Variants in FKBP9 observed in about 807,000 individuals in gnomAD.
The protein encoded by FKBP9 is FKBP prolyl isomerase 9.
FKBP9 carries 27 observed loss-of-function variants against 55.6 expected under a neutral mutation model. The observed-to-expected ratio is 0.49, with a 90% CI of 0.36 to 0.67. FKBP9 has a LOEUF of 0.67. FKBP9 is among the 30% of genes least tolerant of loss of function. The probability of loss-of-function intolerance (pLI) is 0.00; values close to 1 mark genes in which losing one functional copy is unlikely to be tolerated. For synonymous variants in FKBP9, 267 were observed against 296.5 expected (o/e 0.90, Z 1.02); for missense variants, 539 against 742.8 (o/e 0.73, Z 3.19).
At chr7:32,965,832 T>TGTGTGTACAC (rs1385564231) in intron 1 of FKBP9, among the ~76,000 whole-genome samples, 8 of 43,492 alleles carry the variant, frequency 1.8e-4, no homozygotes, top group African/African-American at 5.4e-4. Flanking sequence ...TATATATATA[T>TGTGTGTACAC]ATATATATAT....
At chr7:32,963,651 T>C in intron 1 of FKBP9, 4 of 1,464,864 alleles carry the variant, frequency 2.7e-6, no homozygotes, top group South Asian at 1.3e-5. Context: ...GGAGTGGGAA[T>C]TTATTGGAAG....
At chr7:32,996,589 A>G (rs1183529654) in intron 7 of FKBP9, among the ~76,000 whole-genome samples, 1 of 146,304 alleles carries the variant, frequency 6.8e-6, no homozygotes, top group East Asian at 2.0e-4. Context: ...AGCAGATCTC[A>G]TCGTATAACT....
In FKBP9 at chr7:32,997,083, C is replaced by T. The variant is rs1022918686; in HGVS notation, c.1226+734C>T. On this transcript the variant is annotated intron_variant, in intron 7 of 9. Transcript: ENST00000242209. Reference sequence around the variant, plus strand: ...TGCTGGGATTACAGGCGTGAGCCTCCGCGCCCGGCCAAGTCTCACTCTTTC... The same window carrying T: ...TGCTGGGATTACAGGCGTGAGCCTCTGCGCCCGGCCAAGTCTCACTCTTTC... Among the ~76,000 whole-genome samples the T allele has an allele frequency of 1.8e-4, 28 of 151,868 alleles. No homozygotes were observed. In the South Asian group the frequency reaches 2.7e-3, roughly 15 times the overall value.
At position 33,005,199 on chromosome 7, in the gene FKBP9, G is replaced by A. The variant is rs758043302; in HGVS notation, c.1561G>A (p.Val521Met). The part of the protein sequence containing the change: ...EEFSEYIHAQ[V>M]ASGKGKLAPG... ...GTTCTCAGAGTACATTCACGCCCAG[G>A]TGGCATCTGGCAAAGGGAAACTCGC... is the stretch of plus-strand genomic sequence containing the variant. The change falls in exon 10 of 10, where the codon GTG (valine) becomes ATG (methionine). Residue 521 changes from valine (V) to methionine (M), a missense_variant. Val to Met is a conservative substitution (Grantham distance 21, BLOSUM62 1). This residue lies in a region of FKBP9 where 102 missense variants were observed against 200.7 expected (regional missense o/e 0.51). Transcript: ENST00000242209. 6.2e-7 allele frequency: 1 copy of A among 1,613,992 alleles called. No individual in the cohort carries two copies. Among genetic ancestry groups the A allele is most frequent in the Admixed American group, 1.7e-5 (1 of 60,018 alleles).
intron 1 of FKBP9, among the ~76,000 whole-genome samples, chr7:32,962,497 A>G (rs1464570844): frequency 6.6e-6 from 1 of 152,088 alleles, no homozygotes; most frequent in African/African-American, 2.4e-5. Context: ...TTTTTGAGAC[A>G]GCGTCTCACT....
At chr7:32,994,276 A>G (rs895336281) in intron 6 of FKBP9, among the ~76,000 whole-genome samples, 18 of 152,284 alleles carry the variant, frequency 1.2e-4, no homozygotes, top group South Asian at 4.1e-4. Flanking sequence ...CGCTGGCAAC[A>G]GGTAGTCTAT....
At chr7:32,996,089 C>T (rs1784777951) in intron 6 of FKBP9, 74 bp from the exon 7 acceptor site, 3 of 1,408,838 alleles carry the variant, frequency 2.1e-6, no homozygotes, top group Non-Finnish European at 3.0e-6. Context: ...GAGGACATAC[C>T]TGGTGACACT....
Position 32,976,403 on chromosome 7 carries a change from A to T in FKBP9, c.607A>T (p.Ile203Phe). 3 of 1,613,924 alleles carry T rather than the reference A, an allele frequency of 1.9e-6. No homozygotes were observed. The highest frequency in any genetic ancestry group is 2.5e-6 in the Non-Finnish European group (3 of 1,179,862). ...CACGTATGTGGGAATTGGCTGGCTG[A>T]TTCCTGGAATGGATAAAGGGCTGCT... ...YDTYVGIGWL[I>F]PGMDKGLLGM... Residue 203 changes from isoleucine (I) to phenylalanine (F), a missense_variant, in exon 4 of 10, where the codon ATT becomes TTT. Around this residue, in one of 4 missense-constraint regions of FKBP9, gnomAD observed 29 missense variants for 65.3 expected, o/e 0.44. Transcript: ENST00000242209.
chr7:32,998,594 C>G (rs2127988747), intron 7 of FKBP9: 1 of 152,336 alleles, frequency 6.6e-6, no homozygotes, highest in Admixed American at 6.5e-5. Context: ...TGGTGTCTTC[C>G]TGGTGTGAGC....
At chr7:32,986,107 A>G (rs895700397) in intron 5 of FKBP9, among the ~76,000 whole-genome samples, 6 of 152,190 alleles carry the variant, frequency 3.9e-5, no homozygotes, top group African/African-American at 1.4e-4. Flanking sequence ...ACTTTTATTC[A>G]GCATTTACTA....
Position 32,996,088 on chromosome 7 carries a change from C to T in FKBP9, c.1040-75C>T, listed in dbSNP as rs1454684408. 8 of 1,399,728 alleles carry T rather than the reference C, an allele frequency of 5.7e-6. No homozygotes were observed. In the East Asian group the frequency reaches 1.6e-4, roughly 28 times the overall value. The allele number at this position is 1,399,728 out of a possible 1,614,324, so 86.7% of individuals were successfully genotyped here. A position where few individuals can be genotyped will look rare whatever the true frequency, so the allele number is the denominator to read the frequency against. Reference sequence around the variant, plus strand: ...TCACTTGGAGGGCCTTGAGGACATACCTGGTGACACTGGGGAGGCCCATGT... The same window carrying T: ...TCACTTGGAGGGCCTTGAGGACATATCTGGTGACACTGGGGAGGCCCATGT... On this transcript the variant is annotated intron_variant, in intron 6 of 9. Transcript: ENST00000242209.
At chr7:32,985,283 C>T (rs994810657) in intron 5 of FKBP9, among the ~76,000 whole-genome samples, 1 of 151,360 alleles carries the variant, frequency 6.6e-6, no homozygotes, top group African/African-American at 2.4e-5. Flanking sequence ...TCAAGCGATT[C>T]TCCTGCCCTC....
intron 9 of FKBP9, among the ~76,000 whole-genome samples, chr7:33,004,522 T>C (rs1243699933): frequency 2.6e-5 from 4 of 152,162 alleles, no homozygotes; most frequent in Non-Finnish European, 5.9e-5. Flanking sequence ...GTTCGGTCCT[T>C]TCCTTCTCAT....
Position 32,980,485 on chromosome 7 carries a change from T to C in FKBP9, c.825T>C (p.Ser275=). 3.1e-6 allele frequency: 5 copies of C among 1,613,838 alleles called. No individual in the cohort carries two copies. The highest frequency in any genetic ancestry group is 4.2e-6 in the Non-Finnish European group (5 of 1,179,844). Residue 275 remains serine (S), a synonymous_variant, in exon 5 of 10, where the codon AGT becomes AGC. Transcript: ENST00000242209. ...TACCTGAAAACTGTGAGCGGATAAG[T>C]CAAAGTGGGGACTTTCTCAGGTATC... ...KVVPENCERI[S]QSGDFLRYHY...
chr7:32,958,340 G>A (rs971234712), intron 1 of FKBP9, among the ~76,000 whole-genome samples: 1 of 152,244 alleles, frequency 6.6e-6, no homozygotes, highest in Non-Finnish European at 1.5e-5. Context: ...TAATTGTACA[G>A]CAGTCTTGTG....
At position 33,005,222 on chromosome 7, in the gene FKBP9, C is replaced by T. The variant is rs780648899; in HGVS notation, c.1584C>T (p.Leu528=). 5.0e-6 allele frequency: 8 copies of T among 1,613,964 alleles called. No individual in the cohort carries two copies. Among genetic ancestry groups the T allele is most frequent in the African/African-American group, 2.7e-5 (2 of 74,912 alleles). Residue 528 remains leucine (L), a synonymous_variant, in exon 10 of 10, where the codon CTC becomes CTT. Transcript: ENST00000242209. ...AGGTGGCATCTGGCAAAGGGAAACT[C>T]GCTCCTGGCTTTGATGCTGAGCTGA... is the stretch of plus-strand genomic sequence containing the variant. ...HAQVASGKGK[L]APGFDAELIV... is the part of the protein sequence containing the mutation.
At chr7:32,967,899 C>A (rs569510544) in intron 1 of FKBP9, among the ~76,000 whole-genome samples, 1,751 of 152,134 alleles carry the variant, frequency 0.012, 13 homozygotes, top group Non-Finnish European at 0.015. Context: ...GGATTACAGG[C>A]ACCCAGCACT....
At chr7:32,968,157 A>G (rs2127978006) in intron 1 of FKBP9, among the ~76,000 whole-genome samples, 1 of 152,236 alleles carries the variant, frequency 6.6e-6, no homozygotes, top group Non-Finnish European at 1.5e-5. Context: ...TCTCACTTCA[A>G]CCTCCCGAGT....
chr7:32,971,821 A>G (rs1380379666), intron 1 of FKBP9, among the ~76,000 whole-genome samples: 1 of 152,022 alleles, frequency 6.6e-6, no homozygotes, highest in Non-Finnish European at 1.5e-5. Flanking sequence ...AAATTTTGTA[A>G]TCTCCAAAGA....
Sources: allele counts gnomAD v4.1 joint callset (sites outside exome capture counted in the v4.1 genomes callset), GRCh38; gene constraint gnomAD v4.1.1; regional missense constraint gnomAD v4.1.1; transcripts MANE v1.5; gene names NCBI Gene and HGNC (gene_info 2026-07-23, HGNC 2026-07-21).